The following GIT1 variants were observed in gnomAD, a reference collection of about 807,000 sequenced individuals.
GIT1 encodes the protein ARF GTPase-activating protein GIT1.
A neutral mutation model predicts 91.7 loss-of-function variants in GIT1; 14 were observed. That is an observed-to-expected ratio of 0.15 (90% CI 0.10 to 0.24). The LOEUF (loss-of-function observed/expected upper bound fraction) is 0.24, where lower values mean the gene tolerates loss of function less well. GIT1 is among the 10% of genes least tolerant of loss of function. GIT1 has a pLI of 1.00. For missense variants in GIT1, 717 were observed against 1,024.9 expected (o/e 0.70, Z 4.10); for synonymous variants, 414 against 418.2 (o/e 0.99, Z 0.12).
chr17:29,583,791 A>G (rs558303679), intron 1 of GIT1, 175 bp from the exon 2 acceptor site: 13 of 669,270 alleles, frequency 1.9e-5, no homozygotes, highest in Admixed American at 1.8e-4. Context: ...GATCTCCCCA[A>G]GAGCTCACAG....
chr17:29,584,996 T>TC (rs2033543417), intron 1 of GIT1, among the ~76,000 whole-genome samples: 1 of 129,166 alleles, frequency 7.7e-6, no homozygotes, highest in South Asian at 2.6e-4. Context: ...GGAGTCCCGC[T>TC]CTGTCGCCCA....
Position 29,575,846 on chromosome 17 carries a change from A to C in GIT1, c.1718T>G (p.Leu573Arg), listed in dbSNP as rs1183647314. Reference protein sequence around the residue: ...SAVPFTPSSPLLSCSQEGSRH... With the variant: ...SAVPFTPSSPRLSCSQEGSRH... ...GCTTCCCTCCTGGGAGCAGGACAGC[A>C]GCGGGGAGGAGGGAGTGAAGGGCAC... is the stretch of plus-strand genomic sequence containing the variant. Residue 573 changes from leucine (L) to arginine (R), a missense_variant, in exon 16 of 20, where the codon CTG becomes CGG. This residue lies in a region of GIT1 where 312 missense variants were observed against 349.5 expected (regional missense o/e 0.89). Coordinates refer to ENST00000225394, the MANE Select transcript of GIT1 (RefSeq NM_014030.4). This position sits in a 1 kb window ranked among gnomAD's most constrained non-coding sequence, Gnocchi z 5.5. 6.2e-7 allele frequency: 1 copy of C among 1,612,638 alleles called. No homozygotes were observed. Among genetic ancestry groups the C allele is most frequent in the South Asian group, 1.1e-5 (1 of 90,866 alleles).
At chr17:29,578,602 G>T in intron 8 of GIT1, 129 bp downstream of exon 8, 1 of 916,256 alleles carries the variant, frequency 1.1e-6, no homozygotes, top group Non-Finnish European at 1.8e-6. Flanking sequence ...GACTGCTGAG[G>T]CCAGTGAGGG....
Position 29,589,040 on chromosome 17 carries a change from G to A in GIT1, c.52+287C>T, listed in dbSNP as rs962769490. Among the ~76,000 whole-genome samples, 4 of 152,180 alleles carry A rather than the reference G, an allele frequency of 2.6e-5. No homozygotes were observed. The highest frequency in any genetic ancestry group is 4.4e-5 in the Non-Finnish European group (3 of 68,016). ...GCTTCCGTCGGATACAGAGATGGAGGTGGAGGAGCAGCCAGCTGCCCGCCT... is the reference window on the plus strand; with the variant it reads ...GCTTCCGTCGGATACAGAGATGGAGATGGAGGAGCAGCCAGCTGCCCGCCT... On this transcript the variant is annotated intron_variant, in intron 1 of 19. Coordinates refer to ENST00000225394, the MANE Select transcript of GIT1 (RefSeq NM_014030.4). This position sits in a 1 kb window ranked among gnomAD's most constrained non-coding sequence, Gnocchi z 5.2.
Position 29,578,361 on chromosome 17 carries a change from C to A in GIT1, c.821G>T (p.Arg274Leu). The change falls in exon 9 of 20, where the codon CGG (arginine) becomes CTG (leucine). Residue 274 changes from arginine (R) to leucine (L), a missense_variant. Coordinates refer to ENST00000225394, the MANE Select transcript of GIT1 (RefSeq NM_014030.4). ...GTCCATGGCGAGTTCCTCAAAAAGC[C>A]GGTTGCTGAGCTGGAGGAAGAGAGG... is the stretch of plus-strand genomic sequence containing the variant. ...AKKKLQALSNRLFEELAMDVY... is the reference protein window; with the variant it reads ...AKKKLQALSNLLFEELAMDVY... 1 of 1,614,130 alleles carries A rather than the reference C, an allele frequency of 6.2e-7. No homozygotes were observed. The highest frequency in any genetic ancestry group is 8.5e-7 in the Non-Finnish European group (1 of 1,179,984).
chr17:29,581,587 A>G lies in GIT1; in HGVS notation c.718+155T>C. On this transcript the variant is annotated intron_variant, in intron 6 of 19. Coordinates refer to ENST00000225394, the MANE Select transcript of GIT1 (RefSeq NM_014030.4). This position sits in a 1 kb window ranked among gnomAD's most constrained non-coding sequence, Gnocchi z 4.8. The stretch of plus-strand genomic sequence containing the variant: ...CCTAGCCCCAGCGATGCTATGGCCC[A>G]GAGCCTGCAGTAATTTCACAGGAGC... 1 of 698,986 alleles carries G rather than the reference A, an allele frequency of 1.4e-6. No individual in the cohort carries two copies. The allele number at this position is 698,986 out of a possible 1,614,324, so 43.3% of individuals were successfully genotyped here. A position where few individuals can be genotyped will look rare whatever the true frequency, so the allele number is the denominator to read the frequency against.
At chr17:29,584,400 C>T (rs2033511779) in intron 1 of GIT1, among the ~76,000 whole-genome samples, 1 of 152,232 alleles carries the variant, frequency 6.6e-6, no homozygotes, top group Non-Finnish European at 1.5e-5. Flanking sequence ...GTCCCTCTGC[C>T]TCTATAGCCT....
rs772218935 is a variant in GIT1 at position 29,575,461 on chromosome 17, C to G, written c.1836G>C (p.Gly612=). ...CTTTGCCCAGCTCTAGAAACCTCTT[C>G]CCTTCCAGCCTGAGGCCCAGGTCCA... The part of the protein sequence containing the change: ...QSGDPLLGLE[G]KRFLELGKEE... The change falls in exon 18 of 20, where the codon GGG becomes GGC. Residue 612 remains glycine (G), a synonymous_variant. Transcript: ENST00000225394. This position sits in a 1 kb window ranked among gnomAD's most constrained non-coding sequence, Gnocchi z 5.5. The G allele has an allele frequency of 1.9e-6, 3 of 1,602,678 alleles. No individual in the cohort carries two copies. Among genetic ancestry groups the G allele is most frequent in the Non-Finnish European group, 1.7e-6 (2 of 1,174,814 alleles).
At chr17:29,580,871 C>A (rs997439165) in intron 7 of GIT1, among the ~76,000 whole-genome samples, 3 of 151,932 alleles carry the variant, frequency 2.0e-5, no homozygotes, top group Non-Finnish European at 4.4e-5. Flanking sequence ...ACCTCTACCT[C>A]CTGTGTTCAA....
chr17:29,589,020 C>A lies in GIT1; in HGVS notation c.52+307G>T, dbSNP rs1413022045. Among the ~76,000 whole-genome samples the A allele has an allele frequency of 6.6e-6, 1 of 152,214 alleles. No homozygotes were observed. Among genetic ancestry groups the A allele is most frequent in the African/African-American group, 2.4e-5 (1 of 41,456 alleles). On this transcript the variant is annotated intron_variant, in intron 1 of 19. Transcript: ENST00000225394. This position sits in a 1 kb window ranked among gnomAD's most constrained non-coding sequence, Gnocchi z 5.2. ...TCCTGCCACCCCAGGCTGGCGCTTC[C>A]GTCGGATACAGAGATGGAGGTGGAG... is the stretch of plus-strand genomic sequence containing the variant.
chr17:29,580,557 C>T (rs1031688741), intron 7 of GIT1, among the ~76,000 whole-genome samples: 9 of 152,174 alleles, frequency 5.9e-5, no homozygotes, highest in Admixed American at 2.6e-4. Context: ...GCCTCTCAGA[C>T]GGAAGCAGAA....
chr17:29,583,139 TACCA>T, intron 2 of GIT1, 102 bp from the exon 3 acceptor site: 1 of 780,902 alleles, frequency 1.3e-6, no homozygotes, highest in Non-Finnish European at 2.2e-6. Context: ...CTGGAAACGG[TACCA>T]AGGGGGCCTA....
chr17:29,574,627 G>T lies in GIT1; in HGVS notation c.*75C>A. On this transcript the variant is annotated 3_prime_UTR_variant, in exon 20 of 20. Transcript: ENST00000225394. The stretch of plus-strand genomic sequence containing the variant: ...GTGCCAGTGGCTCTGTTGGGGTGGG[G>T]ATTAATGTCTGGAGTGGCCCAGCTC... 8.3e-7 allele frequency: 1 copy of T among 1,209,316 alleles called. No individual in the cohort carries two copies. The highest frequency in any genetic ancestry group is 1.2e-6 in the Non-Finnish European group (1 of 818,646). 74.9% of individuals were successfully genotyped at this position (1,209,316 alleles called of 1,614,324 possible).
Position 29,581,086 on chromosome 17 carries a change from A to G in GIT1, c.761+252T>C. The G allele has an allele frequency of 3.7e-6, 2 of 544,952 alleles. No individual in the cohort carries two copies. The highest frequency in any genetic ancestry group is 3.0e-5 in the East Asian group (1 of 33,408). 33.8% of individuals were successfully genotyped at this position (544,952 alleles called of 1,614,324 possible). A position where few individuals can be genotyped will look rare whatever the true frequency, so the allele number is the denominator to read the frequency against. ...GAGCCACCGCGCCCGGCCCACAGGT[A>G]GCTTCTCACACCCAAGCCCTCCATG... On this transcript the variant is annotated intron_variant, in intron 7 of 19. Transcript: ENST00000225394. This position sits in a 1 kb window ranked among gnomAD's most constrained non-coding sequence, Gnocchi z 4.8.
chr17:29,577,114 C>A (rs1889414328), intron 11 of GIT1, 22 bp downstream of exon 11: 1 of 1,609,854 alleles, frequency 6.2e-7, no homozygotes, highest in Non-Finnish European at 8.5e-7. Flanking sequence ...GCTTCCCACA[C>A]CCTCCCACAC....
At position 29,574,831 on chromosome 17, in the gene GIT1, T is replaced by C. The variant is rs767478368; in HGVS notation, c.2157A>G (p.Thr719=). 2 of 1,608,502 alleles carry C rather than the reference T, an allele frequency of 1.2e-6. No individual in the cohort carries two copies. Among genetic ancestry groups the C allele is most frequent in the African/African-American group, 1.3e-5 (1 of 75,016 alleles). ...CTGGGGCGCCGGGCTCTGGGGGCAC[T>C]GTCTTCCGGCACTCACTCTGCAGCC... ...AYRLQSECRK[T]VPPEPGAPVD... is the part of the protein sequence containing the mutation. The change falls in exon 20 of 20, where the codon ACA becomes ACG. Residue 719 remains threonine, a synonymous_variant. Coordinates refer to ENST00000225394, the MANE Select transcript of GIT1 (RefSeq NM_014030.4).
chr17:29,584,293 G>C (rs2033508320), intron 1 of GIT1, among the ~76,000 whole-genome samples: 1 of 152,240 alleles, frequency 6.6e-6, no homozygotes, highest in Non-Finnish European at 1.5e-5. Flanking sequence ...GCTCAGAGAG[G>C]TTAAAGGGCT....
Position 29,574,560 on chromosome 17 carries a change from G to A in GIT1, c.*142C>T. On this transcript the variant is annotated 3_prime_UTR_variant, in exon 20 of 20. Transcript: ENST00000225394. The stretch of plus-strand genomic sequence containing the variant: ...GGGGCTCGACAGGGGTGGGCACCAG[G>A]GCACCTGGCTGCCAGGGAGTGTGGC... 1 of 766,712 alleles carries A rather than the reference G, an allele frequency of 1.3e-6. No homozygotes were observed. 47.5% of individuals were successfully genotyped at this position (766,712 alleles called of 1,614,324 possible).
Position 29,581,824 on chromosome 17 carries a change from G to A in GIT1, c.636C>T (p.His212=). Residue 212 remains histidine, a synonymous_variant, in exon 6 of 20, where the codon CAC becomes CAT. Coordinates refer to ENST00000225394, the MANE Select transcript of GIT1 (RefSeq NM_014030.4). This position sits in a 1 kb window ranked among gnomAD's most constrained non-coding sequence, Gnocchi z 4.8. ...TPIDYARQAG[H]HELAERLVEC... ...CAACCAGCCTTTCCGCCAGCTCATG[G>A]TGCCCCGCCTGCCTGTGAGGAGGGG... The A allele has an allele frequency of 1.2e-6, 2 of 1,612,602 alleles. No individual in the cohort carries two copies. Among genetic ancestry groups the A allele is most frequent in the Non-Finnish European group, 1.7e-6 (2 of 1,179,892 alleles).
Sources: gnomAD v4.1 joint callset for allele counts (sites outside exome capture counted in the v4.1 genomes callset) on GRCh38, gnomAD v4.1.1 for gene constraint, gnomAD v4.1.1 regional missense constraint, Gnocchi (gnomAD v3.1) non-coding constraint, MANE v1.5 for transcripts, NCBI Gene and HGNC (gene_info 2026-07-23, HGNC 2026-07-21) for gene names.